Variants in KLF10 observed in about 807,000 individuals in gnomAD.
The protein encoded by KLF10 is KLF transcription factor 10, also known as Krueppel-like factor 10.
In KLF10, 17 loss-of-function variants were observed where a neutral mutation model predicts 31.6. The observed-to-expected ratio is 0.54, with a 90% confidence interval of 0.37 to 0.81. KLF10 has a LOEUF of 0.81. KLF10 is among the 30% of genes least tolerant of loss of function. The probability of loss-of-function intolerance (pLI) is 0.00; values close to 1 mark genes in which losing one functional copy is unlikely to be tolerated. For missense variants in KLF10, 525 were observed against 598.1 expected (o/e 0.88, Z 1.27); for synonymous variants, 239 against 215.1 (o/e 1.11, Z -0.97).
At chr8:102,653,716 T>G in intron 1 of KLF10, 1 of 1,204,462 alleles carries the variant, frequency 8.3e-7, no homozygotes, top group Non-Finnish European at 1.0e-6. Context: ...ACAGCGCGCG[T>G]GTGTGTAACA....
chr8:102,650,721 A>G (rs1002991093), intron 3 of KLF10, among the ~76,000 whole-genome samples: 3 of 152,192 alleles, frequency 2.0e-5, no homozygotes, highest in African/African-American at 7.2e-5. Context: ...TCATCCCTTA[A>G]AAAAAGCCAA....
At position 102,650,277 on chromosome 8, in the gene KLF10, A is replaced by G. The variant is rs1827173249; in HGVS notation, c.1298T>C (p.Met433Thr). 3 of 1,614,178 alleles carry G rather than the reference A, an allele frequency of 1.9e-6. No homozygotes were observed. Among genetic ancestry groups the G allele is most frequent in the Non-Finnish European group, 2.5e-6 (3 of 1,180,040 alleles). ...HTGEKKFACP[M>T]CDRRFMRSDH... Reference sequence around the variant, plus strand: ...ACTCCTCATGAACCGCCGGTCACACATGGGGCACGCAAATTTCTTCTCACC... The same window carrying G: ...ACTCCTCATGAACCGCCGGTCACACGTGGGGCACGCAAATTTCTTCTCACC... Residue 433 changes from methionine (M) to threonine (T), a missense_variant, in exon 4 of 4, where the codon ATG (methionine) becomes ACG (threonine). Met to Thr is a moderately conservative substitution (Grantham distance 81). Around this residue, in one of 3 missense-constraint regions of KLF10, gnomAD observed 49 missense variants for 105.0 expected, o/e 0.47. Transcript: ENST00000285407.
At position 102,653,405 on chromosome 8, in the gene KLF10, A is replaced by G. The variant is rs1038507463; in HGVS notation, c.37-1008T>C. 2.8e-5 allele frequency: 38 copies of G among 1,356,268 alleles called. No homozygotes were observed. In the East Asian group the frequency reaches 9.9e-4, roughly 35 times the overall value. 84.0% of individuals were successfully genotyped at this position (1,356,268 alleles called of 1,614,324 possible). A position where few individuals can be genotyped will look rare whatever the true frequency, so the allele number is the denominator to read the frequency against. On this transcript the variant is annotated intron_variant, in intron 1 of 3. Transcript: ENST00000285407. ...CAGCACAGGTTTTGCACTTATTTGT[A>G]GAACTACCTAATGTTTTATAGTAAA...
Position 102,652,050 on chromosome 8 carries a change from T to C in KLF10, c.282A>G (p.Pro94=). The change falls in exon 3 of 4, where the codon CCA becomes CCG. Residue 94 remains proline (P), a synonymous_variant. Coordinates refer to ENST00000285407, the MANE Select transcript of KLF10 (RefSeq NM_005655.4). The part of the protein sequence containing the change: ...FHTIPAFCLT[P]PYSPSDFEPS... ...GTTCAAAGTCAGAAGGACTGTAAGG[T>C]GGAGTCAAACACTAAAGAAAAGGGA... 1 of 1,597,012 alleles carries C rather than the reference T, an allele frequency of 6.3e-7. No homozygotes were observed. The highest frequency in any genetic ancestry group is 8.5e-7 in the Non-Finnish European group (1 of 1,173,142).
In KLF10 at chr8:102,651,003, C is replaced by A. The variant is rs139013359; in HGVS notation, c.1183+146G>T. ...TGGCACTCGTGAGCGGCCTCCAATA[C>A]AGCCTTTTGGAGGACCTTGCACTGG... On this transcript the variant is annotated intron_variant, in intron 3 of 3. Transcript: ENST00000285407. 1.0e-4 allele frequency: 67 copies of A among 665,630 alleles called. No homozygotes were observed. The East Asian group carries it at 1.9e-3, about 19-fold the overall frequency. The allele number at this position is 665,630 out of a possible 1,614,324, so 41.2% of individuals were successfully genotyped here.
chr8:102,650,119 A>G lies in KLF10; in HGVS notation c.*13T>C. On this transcript the variant is annotated 3_prime_UTR_variant, in exon 4 of 4. Coordinates refer to ENST00000285407, the MANE Select transcript of KLF10 (RefSeq NM_005655.4). ...AGACCAAAGTTAGTTCTGACTCTTCACTTTCCGGTCTGTCACTGTGTGGGA... is the reference window on the plus strand; with the variant it reads ...AGACCAAAGTTAGTTCTGACTCTTCGCTTTCCGGTCTGTCACTGTGTGGGA... 1 of 1,613,468 alleles carries G rather than the reference A, an allele frequency of 6.2e-7. No homozygotes were observed. The highest frequency in any genetic ancestry group is 2.2e-5 in the East Asian group (1 of 44,876).
rs1266062096 is a variant in KLF10, at chr8:102,651,470, T to C, written c.862A>G (p.Thr288Ala). 1 of 1,613,910 alleles carries C rather than the reference T, an allele frequency of 6.2e-7. No individual in the cohort carries two copies. Among genetic ancestry groups the C allele is most frequent in the Non-Finnish European group, 8.5e-7 (1 of 1,179,924 alleles). ...CTGGGAGGAGTGCTGGGAACGACTGTTGTCACAACAGGGTTGTTGGCAGGA... is the reference window on the plus strand; with the variant it reads ...CTGGGAGGAGTGCTGGGAACGACTGCTGTCACAACAGGGTTGTTGGCAGGA... ...PLPANNPVVT[T>A]VVPSTPPSQP... Residue 288 changes from threonine (T) to alanine (A), a missense_variant, in exon 3 of 4, where the codon ACA (threonine) becomes GCA (alanine). Physicochemically the swap from Thr to Ala is moderately conservative, Grantham distance 58 (BLOSUM62 0). This residue lies in a region of KLF10 where 434 missense variants were observed against 450.7 expected (regional missense o/e 0.96). Transcript: ENST00000285407.
intron 1 of KLF10, chr8:102,653,826 G>A: frequency 2.0e-6 from 2 of 1,004,666 alleles, no homozygotes; most frequent in African/African-American, 1.8e-5. Context: ...GGGAGGGGAG[G>A]AAAGGGAGTG....
rs1827142221 is a variant in KLF10, at chr8:102,649,020, T to C, written c.*1112A>G. ...TTTTGTTTTGCCACTGTGTATATCA[T>C]CCACTATATAACAGAATAAAAGAGA... On this transcript the variant is annotated 3_prime_UTR_variant, in exon 4 of 4. Coordinates refer to ENST00000285407, the MANE Select transcript of KLF10 (RefSeq NM_005655.4). 6.6e-6 allele frequency: 1 copy of C among 152,614 alleles called. No individual in the cohort carries two copies. The highest frequency in any genetic ancestry group is 1.5e-5 in the Non-Finnish European group (1 of 68,020). 9.5% of individuals were successfully genotyped at this position (152,614 alleles called of 1,614,324 possible).
intron 1 of KLF10, 90 bp downstream of exon 1, chr8:102,655,476 G>C (rs2131086520): frequency 6.6e-7 from 1 of 1,510,204 alleles, no homozygotes; most frequent in East Asian, 2.3e-5. Flanking sequence ...CTCAGGCATG[G>C]CTGATGTCCG....
chr8:102,653,880 G>C (rs1265811012), intron 1 of KLF10: 36 of 959,932 alleles, frequency 3.8e-5, no homozygotes, highest in Non-Finnish European at 4.5e-5. Flanking sequence ...GGCGCGGGCG[G>C]GGGAGGCAGA....
At chr8:102,652,455 C>A in intron 1 of KLF10, 58 bp from the exon 2 acceptor site, 7 of 876,906 alleles carry the variant, frequency 8.0e-6, no homozygotes, top group South Asian at 2.3e-5. Context: ...AAATGACACA[C>A]AGAAAAATGA....
chr8:102,653,021 T>C (rs1370574713), intron 1 of KLF10, among the ~76,000 whole-genome samples: 1 of 152,138 alleles, frequency 6.6e-6, no homozygotes, highest in Non-Finnish European at 1.5e-5. Flanking sequence ...GGGATAAAAA[T>C]CAAAAGATAA....
chr8:102,649,964 C>T lies in KLF10; in HGVS notation c.*168G>A, dbSNP rs944798750. ...TGCCTTTCTGTGACCTGCCTGTGGC[C>T]GAAGCCCTTTTAGTCACCTAACCCA... On this transcript the variant is annotated 3_prime_UTR_variant, in exon 4 of 4. Transcript: ENST00000285407. The T allele has an allele frequency of 8.1e-6, 6 of 743,884 alleles. No homozygotes were observed. The highest frequency in any genetic ancestry group is 2.7e-5 in the East Asian group (1 of 36,830). The allele number at this position is 743,884 out of a possible 1,614,324, so 46.1% of individuals were successfully genotyped here. A position where few individuals can be genotyped will look rare whatever the true frequency, so the allele number is the denominator to read the frequency against.
Position 102,651,138 on chromosome 8 carries a change from G to C in KLF10, c.1183+11C>G. On this transcript the variant is annotated intron_variant, in intron 3 of 3. Coordinates refer to ENST00000285407, the MANE Select transcript of KLF10 (RefSeq NM_005655.4). The stretch of plus-strand genomic sequence containing the variant: ...CATTTAAACACTAAAGATATAAGAA[G>C]TGGCTGGTACCTGTGTGCGTCCTCG... 6.7e-7 allele frequency: 1 copy of C among 1,495,150 alleles called. No individual in the cohort carries two copies. Among genetic ancestry groups the C allele is most frequent in the Non-Finnish European group, 8.9e-7 (1 of 1,121,188 alleles). 92.6% of individuals were successfully genotyped at this position (1,495,150 alleles called of 1,614,324 possible). A position where few individuals can be genotyped will look rare whatever the true frequency, so the allele number is the denominator to read the frequency against.
chr8:102,654,916 C>CTCG (rs981934543), intron 1 of KLF10, among the ~76,000 whole-genome samples: 24 of 152,222 alleles, frequency 1.6e-4, no homozygotes, highest in African/African-American at 5.8e-4. Context: ...GGGGGAGCAA[C>CTCG]TCGTCCCCCA....
At chr8:102,651,033 T>C (rs1827196044) in intron 3 of KLF10, 116 bp downstream of exon 3, 1 of 996,566 alleles carries the variant, frequency 1.0e-6, no homozygotes, top group Admixed American at 2.7e-5. Flanking sequence ...CACTGGTAAA[T>C]ACCATCCTCT....
intron 1 of KLF10, among the ~76,000 whole-genome samples, chr8:102,654,558 G>A (rs1248952374): frequency 6.6e-6 from 1 of 151,938 alleles, no homozygotes; most frequent in East Asian, 2.0e-4. Flanking sequence ...GCAGCCCCCG[G>A]GAACCCGGCC....
chr8:102,653,819 A>G, intron 1 of KLF10: 1 of 984,226 alleles, frequency 1.0e-6, no homozygotes, highest in Non-Finnish European at 1.2e-6. Flanking sequence ...GGAAACAGGG[A>G]GGGGAGGAAA....
Sources: gnomAD v4.1 joint callset for allele counts (sites outside exome capture counted in the v4.1 genomes callset) on GRCh38, gnomAD v4.1.1 for gene constraint, gnomAD v4.1.1 regional missense constraint, MANE v1.5 for transcripts, NCBI Gene and HGNC (gene_info 2026-07-23, HGNC 2026-07-21) for gene names.